NUP98: variants seen among roughly 807,000 people sequenced by gnomAD.
NUP98 encodes the protein nucleoporin 98 and 96 precursor, also known as nuclear pore complex protein Nup98-Nup96.
A neutral mutation model predicts 191.9 loss-of-function variants in NUP98; 26 were observed. The observed-to-expected ratio is 0.14, with a 90% CI of 0.10 to 0.19. The LOEUF (loss-of-function observed/expected upper bound fraction) is 0.19. Among genes scored for constraint, NUP98 ranks in the 10% least tolerant of loss-of-function variants. The probability of loss-of-function intolerance (pLI) is 1.00; values close to 1 mark genes in which losing one functional copy is unlikely to be tolerated. For synonymous variants in NUP98, 808 were observed against 778.4 expected (o/e 1.04, Z -0.63); for missense variants, 1,941 against 2,178.8 (o/e 0.89, Z 2.17).
At chr11:3,692,931 C>G in intron 27 of NUP98, 1 of 252,090 alleles carries the variant, frequency 4.0e-6, no homozygotes, top group Non-Finnish European at 7.5e-6. Flanking sequence ...AATTTCAGAA[C>G]TAAGTTTGAA....
rs566344955 is a variant in NUP98, at chr11:3,695,976, G to T, written c.4010-370C>A. Among the ~76,000 whole-genome samples, 4 of 152,254 alleles carry T rather than the reference G, an allele frequency of 2.6e-5. No homozygotes were observed. In the South Asian group the frequency reaches 8.3e-4, roughly 32 times the overall value. On this transcript the variant is annotated intron_variant, in intron 25 of 32. Transcript: ENST00000324932. ...GCAGGCCAAGGGAGGTGGATTACTT[G>T]AAGTCACGAGTTCGAGACCAGCCTG...
rs148971360 is a variant in NUP98, at chr11:3,771,661, T to C, written c.784+87A>G. 15 of 1,164,338 alleles carry C rather than the reference T, an allele frequency of 1.3e-5. No individual in the cohort carries two copies. The Middle Eastern group carries it at 6.6e-4, about 51-fold the overall frequency. The allele number at this position is 1,164,338 out of a possible 1,614,324, so 72.1% of individuals were successfully genotyped here. A position where few individuals can be genotyped will look rare whatever the true frequency, so the allele number is the denominator to read the frequency against. On this transcript the variant is annotated intron_variant, in intron 7 of 32. Coordinates refer to ENST00000324932, the MANE Select transcript of NUP98 (RefSeq NM_016320.5). Reference sequence around the variant, plus strand: ...ATCCCTGAATTATTATTTTTCTCCATAGCACTTATCCCAAAATGGCAATTA... The same window carrying C: ...ATCCCTGAATTATTATTTTTCTCCACAGCACTTATCCCAAAATGGCAATTA...
chr11:3,723,621 T>C (rs1415765004), intron 15 of NUP98, among the ~76,000 whole-genome samples, 166 bp from the exon 16 acceptor site: 2 of 152,142 alleles, frequency 1.3e-5, no homozygotes, highest in African/African-American at 4.8e-5. Flanking sequence ...AACAGATAAT[T>C]ACTATCTCTA....
intron 4 of NUP98, among the ~76,000 whole-genome samples, 163 bp from the exon 5 acceptor site, chr11:3,776,184 C>T (rs1362068366): frequency 7.0e-6 from 1 of 143,754 alleles, no homozygotes; most frequent in Non-Finnish European, 1.5e-5. Flanking sequence ...TGCAGTGGTG[C>T]AATCACAGCT....
intron 4 of NUP98, 117 bp from the exon 5 acceptor site, chr11:3,776,138 T>C: frequency 2.7e-6 from 2 of 734,572 alleles, no homozygotes; most frequent in Non-Finnish European, 4.5e-6. Flanking sequence ...TTTTTTTTTT[T>C]TGAGACAGGG....
At chr11:3,730,203 CCAGCCTGGGTAA>C (rs1390405437) in intron 14 of NUP98, among the ~76,000 whole-genome samples, 1 of 151,914 alleles carries the variant, frequency 6.6e-6, no homozygotes, top group African/African-American at 2.4e-5. Context: ...CCACTGCACT[CCAGCCTGGGTAA>C]CAGAGCGACT....
At chr11:3,791,494 A>G (rs4910800) in intron 1 of NUP98, among the ~76,000 whole-genome samples, 12,784 of 135,584 alleles carry the variant, frequency 0.094, 746 homozygotes, top group African/African-American at 0.16. Flanking sequence ...AGATCCCACC[A>G]TTGTACTCCA....
At chr11:3,767,152 G>A (rs184507881) in intron 8 of NUP98, among the ~76,000 whole-genome samples, 1 of 151,996 alleles carries the variant, frequency 6.6e-6, no homozygotes, top group Admixed American at 6.6e-5. Context: ...TGGTAGAGAC[G>A]GGGTTTCACC....
chr11:3,796,450 T>C (rs1445126768), intron 1 of NUP98, among the ~76,000 whole-genome samples: 1 of 152,240 alleles, frequency 6.6e-6, no homozygotes. Flanking sequence ...TTCCGATACA[T>C]AACAACGCTG....
At chr11:3,768,188 G>A (rs895601861) in intron 8 of NUP98, among the ~76,000 whole-genome samples, 1 of 152,060 alleles carries the variant, frequency 6.6e-6, no homozygotes, top group Non-Finnish European at 1.5e-5. Flanking sequence ...TTGGGAGGCC[G>A]AGGTGGGCGG....
chr11:3,675,226 G>C lies in NUP98; in HGVS notation c.*933C>G. 4 of 217,150 alleles carry C rather than the reference G, an allele frequency of 1.8e-5. No homozygotes were observed. The highest frequency in any genetic ancestry group is 2.8e-5 in the Non-Finnish European group (3 of 107,640). 13.5% of individuals were successfully genotyped at this position (217,150 alleles called of 1,614,324 possible). On this transcript the variant is annotated 3_prime_UTR_variant, in exon 33 of 33. Transcript: ENST00000324932. ...TACCTGGGGCTCCCTATAGCTGTCA[G>C]CAGTGTAGCAAAGGCCCTCTGCCTG...
chr11:3,738,687 G>C (rs1345384134), intron 12 of NUP98, among the ~76,000 whole-genome samples: 7 of 143,408 alleles, frequency 4.9e-5, no homozygotes, highest in Admixed American at 3.0e-4. Flanking sequence ...GCTGAGACAG[G>C]AGAATTGTCT....
intron 26 of NUP98, among the ~76,000 whole-genome samples, chr11:3,695,241 A>G (rs2078463355): frequency 6.6e-6 from 1 of 152,252 alleles, no homozygotes; most frequent in Non-Finnish European, 1.5e-5. Flanking sequence ...ATGATATGGG[A>G]TATGATACAT....
chr11:3,782,570 AT>A (rs35916882), intron 1 of NUP98, among the ~76,000 whole-genome samples: 30,741 of 117,132 alleles, frequency 0.26, 3,310 homozygotes, highest in African/African-American at 0.4. Flanking sequence ...AAAAGCTAAC[AT>A]TTTTTTTTTT....
chr11:3,729,669 T>C, intron 14 of NUP98, among the ~76,000 whole-genome samples: 1 of 133,748 alleles, frequency 7.5e-6, no homozygotes. Context: ...GATGTATGAT[T>C]GCACCACTGC....
chr11:3,787,145 GGT>G, intron 1 of NUP98, among the ~76,000 whole-genome samples: 1 of 152,270 alleles, frequency 6.6e-6, no homozygotes, highest in African/African-American at 2.4e-5. Context: ...AACGAGGCTG[GGT>G]GGAATTCCAG....
chr11:3,675,720 G>A lies in NUP98; in HGVS notation c.*439C>T, dbSNP rs981215987. 1.5e-5 allele frequency: 4 copies of A among 262,760 alleles called. No individual in the cohort carries two copies. Among genetic ancestry groups the A allele is most frequent in the Non-Finnish European group, 3.0e-5 (4 of 134,852 alleles). The allele number at this position is 262,760 out of a possible 1,614,324, so 16.3% of individuals were successfully genotyped here. On this transcript the variant is annotated 3_prime_UTR_variant, in exon 33 of 33. Coordinates refer to ENST00000324932, the MANE Select transcript of NUP98 (RefSeq NM_016320.5). ...CGGATCCCTCTTCCTTCTGTGGATA[G>A]TTCATCTGTTAAGGATCCATTATCA...
chr11:3,740,935 C>A (rs1247819153), intron 12 of NUP98, among the ~76,000 whole-genome samples: 7 of 151,914 alleles, frequency 4.6e-5, no homozygotes, highest in South Asian at 4.1e-4. Flanking sequence ...TCTCCCGCCT[C>A]AGCCTCCAGA....
intron 8 of NUP98, among the ~76,000 whole-genome samples, chr11:3,767,016 G>A (rs2081361592): frequency 6.6e-6 from 1 of 152,164 alleles, no homozygotes; most frequent in Non-Finnish European, 1.5e-5. Flanking sequence ...CTAGGCTGGA[G>A]TGCAGTGGCA....
Sources: allele counts gnomAD v4.1 joint callset (sites outside exome capture counted in the v4.1 genomes callset), GRCh38; gene constraint gnomAD v4.1.1; transcripts MANE v1.5; gene names NCBI Gene and HGNC (gene_info 2026-07-23, HGNC 2026-07-21).